The following PCNX1 variants were observed in gnomAD, a reference collection of about 807,000 sequenced individuals.
The protein encoded by PCNX1 is pecanex 1.
PCNX1 carries 78 observed loss-of-function variants against 242.2 expected under a neutral mutation model. The ratio of observed to expected loss-of-function variants is 0.32; its 90% CI spans 0.27 to 0.39. PCNX1 has a LOEUF of 0.39. PCNX1 is among the 10% of genes least tolerant of loss of function. The pLI is 1.00. For synonymous variants in PCNX1, 1,024 were observed against 1,032.9 expected (o/e 0.99, Z 0.17); for missense variants, 2,581 against 2,856.5 (o/e 0.90, Z 2.20).
chr14:70,953,093 C>A (rs1445711776), intron 2 of PCNX1, among the ~76,000 whole-genome samples: 1 of 151,946 alleles, frequency 6.6e-6, no homozygotes, highest in Non-Finnish European at 1.5e-5. Context: ...CATAGTGAGA[C>A]CTTGTCTTTA....
chr14:70,920,225 A>G (rs974722582), intron 1 of PCNX1, among the ~76,000 whole-genome samples: 2 of 152,206 alleles, frequency 1.3e-5, no homozygotes, highest in African/African-American at 4.8e-5. Flanking sequence ...AAAATGTTAC[A>G]TAACCATGGT....
At position 71,113,691 on chromosome 14, in the gene PCNX1, AAAT is replaced by A. The variant is rs1217489199; in HGVS notation, c.*3759_*3761del. ...CTAGCTTTCAAGCATCTTTCCTCCTAAATAAATATGTGACTTGAGAAAAAGGTA... is the reference window on the plus strand; with the variant it reads ...CTAGCTTTCAAGCATCTTTCCTCCTAAAATATGTGACTTGAGAAAAAGGTA... On this transcript the variant is annotated 3_prime_UTR_variant, in exon 36 of 36. Transcript: ENST00000304743. The A allele has an allele frequency of 1.3e-5, 2 of 152,244 alleles. No homozygotes were observed. Among genetic ancestry groups the A allele is most frequent in the Non-Finnish European group, 2.9e-5 (2 of 68,016 alleles). The allele number at this position is 152,244 out of a possible 1,614,324, so 9.4% of individuals were successfully genotyped here. A position where few individuals can be genotyped will look rare whatever the true frequency, so the allele number is the denominator to read the frequency against.
At chr14:70,928,090 C>T (rs1029715048) in intron 1 of PCNX1, among the ~76,000 whole-genome samples, 1 of 151,992 alleles carries the variant, frequency 6.6e-6, no homozygotes, top group African/African-American at 2.4e-5. Flanking sequence ...TATTTTGATT[C>T]TTAAAAGCTT....
At chr14:71,073,938 C>T in intron 27 of PCNX1, 140 bp downstream of exon 27, 1 of 482,930 alleles carries the variant, frequency 2.1e-6, no homozygotes. Flanking sequence ...CTCTAGGATC[C>T]AGAATACTCC....
intron 8 of PCNX1, among the ~76,000 whole-genome samples, chr14:71,004,932 A>C (rs541950895): frequency 6.6e-6 from 1 of 152,258 alleles, no homozygotes; most frequent in Non-Finnish European, 1.5e-5. Context: ...TACTGCCCAT[A>C]TATCTCTCTT....
At chr14:71,094,394 T>C (rs186860971) in intron 30 of PCNX1, among the ~76,000 whole-genome samples, 116 of 152,326 alleles carry the variant, frequency 7.6e-4, no homozygotes, top group African/African-American at 2.6e-3. Flanking sequence ...TCAAGATGCA[T>C]CTAACTGTAC....
chr14:70,921,931 G>A (rs2056393928), intron 1 of PCNX1, among the ~76,000 whole-genome samples: 1 of 152,158 alleles, frequency 6.6e-6, no homozygotes, highest in Non-Finnish European at 1.5e-5. Flanking sequence ...TTTGGAGGGG[G>A]AGTTGTTTTT....
chr14:71,001,412 T>C (rs903264191), intron 8 of PCNX1, among the ~76,000 whole-genome samples: 1 of 152,216 alleles, frequency 6.6e-6, no homozygotes, highest in African/African-American at 2.4e-5. Flanking sequence ...GCCACAAATA[T>C]TACAAGTTAA....
Position 71,109,610 on chromosome 14 carries a change from C to A in PCNX1, c.6885+18C>A. On this transcript the variant is annotated intron_variant, in intron 35 of 35. Transcript: ENST00000304743. Reference sequence around the variant, plus strand: ...AAGGCCATGTAAGTTCTTTTACAAGCTGGCGGTCTGGGGCTCTGCCTTTTT... The same window carrying A: ...AAGGCCATGTAAGTTCTTTTACAAGATGGCGGTCTGGGGCTCTGCCTTTTT... The A allele has an allele frequency of 6.2e-7, 1 of 1,613,778 alleles. No individual in the cohort carries two copies. The highest frequency in any genetic ancestry group is 8.5e-7 in the Non-Finnish European group (1 of 1,179,720).
At chr14:70,948,280 G>T (rs376057269) in intron 2 of PCNX1, among the ~76,000 whole-genome samples, 1 of 152,164 alleles carries the variant, frequency 6.6e-6, no homozygotes, top group Admixed American at 6.5e-5. Context: ...TTGTGGCTCA[G>T]GGGGCATCAC....
intron 30 of PCNX1, among the ~76,000 whole-genome samples, chr14:71,096,436 A>G (rs2062283584): frequency 2.0e-5 from 3 of 152,154 alleles, no homozygotes; most frequent in Admixed American, 2.0e-4. Flanking sequence ...ACACCACTGC[A>G]CTCCAGCTTG....
chr14:70,994,238 C>G (rs1271016138), intron 7 of PCNX1, among the ~76,000 whole-genome samples: 1 of 151,702 alleles, frequency 6.6e-6, no homozygotes, highest in Non-Finnish European at 1.5e-5. Flanking sequence ...GCTTTGGTAG[C>G]TATTAGCTCT....
intron 6 of PCNX1, among the ~76,000 whole-genome samples, chr14:70,982,328 T>C (rs1047148410): frequency 1.1e-4 from 17 of 152,206 alleles, no homozygotes; most frequent in South Asian, 2.1e-4. Flanking sequence ...TGGGTACTTA[T>C]AGAAGCTGAA....
At chr14:70,986,189 T>C (rs1331926521) in intron 6 of PCNX1, among the ~76,000 whole-genome samples, 2 of 152,338 alleles carry the variant, frequency 1.3e-5, no homozygotes, top group South Asian at 2.1e-4. Context: ...AATTGTAATA[T>C]AGCATTTTCA....
intron 11 of PCNX1, among the ~76,000 whole-genome samples, chr14:71,014,310 C>G (rs967838030): frequency 2.0e-5 from 3 of 152,120 alleles, no homozygotes; most frequent in African/African-American, 7.2e-5. Context: ...TTATGGAAAT[C>G]CAGAAATACC....
At chr14:71,048,047 G>A in intron 22 of PCNX1, 63 bp downstream of exon 22, 6 of 1,194,678 alleles carry the variant, frequency 5.0e-6, no homozygotes, top group Non-Finnish European at 7.0e-6. Flanking sequence ...TTATATGCTA[G>A]TCAGAATTTT....
At chr14:71,050,607 TAA>T (rs768294553) in intron 22 of PCNX1, 43 bp from the exon 23 acceptor site, 128 of 1,507,288 alleles carry the variant, frequency 8.5e-5, no homozygotes, top group Admixed American at 1.6e-4. Context: ...AAATATCTGA[TAA>T]GTTTTTTTTT....
At chr14:71,018,895 A>C in intron 11 of PCNX1, 114 bp from the exon 12 acceptor site, 1 of 849,798 alleles carries the variant, frequency 1.2e-6, no homozygotes, top group Admixed American at 2.6e-5. Flanking sequence ...TCAGTACCAA[A>C]AAGACATCTT....
intron 10 of PCNX1, 156 bp from the exon 11 acceptor site, chr14:71,012,829 A>AG (rs1488502819): frequency 2.3e-6 from 1 of 427,284 alleles, no homozygotes; most frequent in African/African-American, 3.4e-5. Context: ...AAAAAAAAAA[A>AG]AAAAAAAAAG....
Sources: gnomAD v4.1 joint callset for allele counts (sites outside exome capture counted in the v4.1 genomes callset) on GRCh38, gnomAD v4.1.1 for gene constraint, MANE v1.5 for transcripts, NCBI Gene and HGNC (gene_info 2026-07-23, HGNC 2026-07-21) for gene names.